Variants in SLC4A5 observed in about 807,000 individuals in gnomAD.
The protein encoded by SLC4A5 is electrogenic sodium bicarbonate cotransporter 4.
Under a neutral mutation model 120.4 loss-of-function variants are expected in SLC4A5, and 96 were observed. The ratio of observed to expected loss-of-function variants is 0.80; its 90% CI spans 0.68 to 0.94. The LOEUF is 0.94. SLC4A5 is among the 40% of genes least tolerant of loss of function. The pLI is 0.00. For missense variants in SLC4A5, 1,259 were observed against 1,459.5 expected, an observed-to-expected ratio of 0.86 and a Z score of 2.24; for synonymous variants, 550 against 571.1, an observed-to-expected ratio of 0.96 and a Z score of 0.53.
chr2:74,267,119 ATTC>A (rs1321376224), intron 8 of SLC4A5, among the ~76,000 whole-genome samples: 10 of 152,314 alleles, frequency 6.6e-5, no homozygotes, highest in Middle Eastern at 3.4e-3. Flanking sequence ...ATGAAATAAC[ATTC>A]TTCATTTTTT....
At chr2:74,285,805 G>A (rs375201306) in exon 8 of SLC4A5, 83 of 1,611,878 alleles carry the variant, frequency 5.1e-5, no homozygotes, top group Admixed American at 6.7e-5. Context: ...TCTGGTCTCC[G>A]TCATGCTGCA....
rs372994086 is a variant in SLC4A5, at chr2:74,338,095, C to T, written c.-221+760G>A. Reference sequence around the variant, plus strand: ...GTCAGGTGCTTGGTAGTTAATAGGACAGTGGCGAGATCAGAGTAGAATGTT... The same window carrying T: ...GTCAGGTGCTTGGTAGTTAATAGGATAGTGGCGAGATCAGAGTAGAATGTT... On this transcript the variant is annotated intron_variant, in intron 3 of 30. Coordinates refer to ENST00000394019, the Ensembl canonical transcript of SLC4A5. Among the ~76,000 whole-genome samples, 23 of 152,098 alleles carry T rather than the reference C, an allele frequency of 1.5e-4. 2 individuals carry two copies. Among genetic ancestry groups the T allele is most frequent in the Non-Finnish European group, 3.4e-4 (23 of 68,032 alleles).
chr2:74,277,077 C>T lies in SLC4A5; in HGVS notation c.401+8696G>A, dbSNP rs185751748. Among the ~76,000 whole-genome samples the T allele has an allele frequency of 7.3e-4, 111 of 152,290 alleles. 1 individual carries two copies. Among genetic ancestry groups the T allele is most frequent in the African/African-American group, 2.2e-3 (93 of 41,570 alleles). ...CCCAGTGTCCCAGTGATGCTCCCTC[C>T]ATTTGTATGAGTTAGCCTGAGTGGG... On this transcript the variant is annotated intron_variant, in intron 8 of 30. Coordinates refer to ENST00000394019, the Ensembl canonical transcript of SLC4A5.
intron 3 of SLC4A5, among the ~76,000 whole-genome samples, chr2:74,337,408 C>T (rs915690232): frequency 1.3e-5 from 2 of 151,984 alleles, no homozygotes; most frequent in African/African-American, 4.8e-5. Context: ...GCACTCCACC[C>T]CACCCCAAAC....
At chr2:74,254,491 A>AT in intron 14 of SLC4A5, 128 bp downstream of exon 14, 1 of 721,432 alleles carries the variant, frequency 1.4e-6, no homozygotes, top group Non-Finnish European at 2.5e-6. Flanking sequence ...AATCTTTAGC[A>AT]TCCTATGTAG....
At chr2:74,325,021 A>G (rs755963219) in intron 5 of SLC4A5, among the ~76,000 whole-genome samples, 2 of 152,198 alleles carry the variant, frequency 1.3e-5, no homozygotes, top group African/African-American at 2.4e-5. Context: ...TGAGTCAGTT[A>G]ATTTTGAACT....
chr2:74,249,724 C>T (rs1481869455), intron 17 of SLC4A5, among the ~76,000 whole-genome samples: 1 of 152,096 alleles, frequency 6.6e-6, no homozygotes, highest in Admixed American at 6.5e-5. Flanking sequence ...CTGGGGGATC[C>T]TGAGGGGCAG....
At chr2:74,222,873 A>G (rs1279982675) in exon 29 of SLC4A5, 3 of 1,612,306 alleles carry the variant, frequency 1.9e-6, no homozygotes, top group African/African-American at 1.3e-5. Context: ...CTTACTGGCA[A>G]TGCAGTGGAT....
intron 7 of SLC4A5, among the ~76,000 whole-genome samples, chr2:74,296,199 C>T (rs370217790): frequency 2.0e-5 from 3 of 151,876 alleles, no homozygotes; most frequent in East Asian, 1.9e-4. Context: ...GTTGAAAATT[C>T]GGGGCGATCT....
chr2:74,223,007 C>CTTTTT (rs1238005058), intron 28 of SLC4A5, 55 bp from the exon 29 acceptor site: 2 of 920,794 alleles, frequency 2.2e-6, no homozygotes, highest in African/African-American at 1.8e-5. Flanking sequence ...ATTTGGCTTT[C>CTTTTT]TTTTTTTTTT....
intron 6 of SLC4A5, among the ~76,000 whole-genome samples, chr2:74,305,741 T>C (rs1244254427): frequency 6.8e-6 from 1 of 148,008 alleles, no homozygotes; most frequent in African/African-American, 2.5e-5. Flanking sequence ...TTTTTTTTTT[T>C]TGAGACGGAG....
intron 5 of SLC4A5, among the ~76,000 whole-genome samples, chr2:74,324,354 G>A (rs1673168915): frequency 6.6e-6 from 1 of 152,104 alleles, no homozygotes; most frequent in Non-Finnish European, 1.5e-5. Flanking sequence ...TCCAACCTCT[G>A]GGCTCAAGCA....
exon 24 of SLC4A5, chr2:74,232,530 T>C (rs774349820): frequency 1.2e-6 from 2 of 1,613,992 alleles, no homozygotes; most frequent in South Asian, 2.2e-5. Context: ...ATCTTGAGGC[T>C]GTCGATGTGG....
At chr2:74,308,632 C>T (rs1476839656) in intron 6 of SLC4A5, among the ~76,000 whole-genome samples, 2 of 152,114 alleles carry the variant, frequency 1.3e-5, no homozygotes, top group African/African-American at 2.4e-5. Context: ...TTATCAGATA[C>T]ATGCCTTTTG....
At chr2:74,339,856 C>T (rs2104358919) in intron 2 of SLC4A5, 1 of 152,272 alleles carries the variant, frequency 6.6e-6, no homozygotes, top group African/African-American at 2.4e-5. Context: ...GTGATTCAGC[C>T]TTAAAAAGGA....
At chr2:74,249,524 G>A (rs1670724996) in intron 17 of SLC4A5, among the ~76,000 whole-genome samples, 1 of 152,228 alleles carries the variant, frequency 6.6e-6, no homozygotes, top group African/African-American at 2.4e-5. Context: ...GCTGGGAGAT[G>A]AGGCGTGAGA....
chr2:74,303,079 G>A (rs1361181972), intron 7 of SLC4A5, among the ~76,000 whole-genome samples: 3 of 150,766 alleles, frequency 2.0e-5, no homozygotes, highest in Admixed American at 6.6e-5. Context: ...TGTGTGTGGT[G>A]TGTGTCTGTG....
chr2:74,233,483 G>C, exon 23 of SLC4A5: 2 of 1,614,210 alleles, frequency 1.2e-6, no homozygotes, highest in South Asian at 1.1e-5. Context: ...CCAGCAGGGC[G>C]GGCAGGATGC....
intron 24 of SLC4A5, 78 bp from the exon 25 acceptor site, chr2:74,231,386 G>T (rs1670075858): frequency 1.5e-6 from 2 of 1,342,124 alleles, no homozygotes; most frequent in Admixed American, 2.0e-5. Flanking sequence ...CCCTCTGTGG[G>T]CACCTGAAGC....
Sources: gnomAD v4.1 joint callset for allele counts (sites outside exome capture counted in the v4.1 genomes callset) on GRCh38, gnomAD v4.1.1 for gene constraint, MANE v1.5 for transcripts, NCBI Gene and HGNC (gene_info 2026-07-23, HGNC 2026-07-21) for gene names.